The following TUNAR variants were observed in gnomAD, a reference collection of about 807,000 sequenced individuals.
TUNAR encodes the protein protein TUNAR.
At chr14:95,925,369 C>T (rs1235468514) in exon 3 of TUNAR, 1 of 152,172 alleles carries the variant, frequency 6.6e-6, no homozygotes, top group Non-Finnish European at 1.5e-5. Flanking sequence ...TTCTCCCTCC[C>T]CTGTAAAAAC....
chr14:95,905,068 TG>T (rs1484089350), intron 2 of TUNAR, among the ~76,000 whole-genome samples: 1 of 152,204 alleles, frequency 6.6e-6, no homozygotes, highest in East Asian at 1.9e-4. Context: ...GCAAAGGCCC[TG>T]GTGGTTTGGT....
chr14:95,905,318 A>G (rs1443393439), intron 2 of TUNAR, among the ~76,000 whole-genome samples: 2 of 152,218 alleles, frequency 1.3e-5, no homozygotes, highest in Non-Finnish European at 2.9e-5. Context: ...ATCCCGTTCC[A>G]GATCCCACAC....
intron 2 of TUNAR, among the ~76,000 whole-genome samples, chr14:95,892,229 G>A (rs945018118): frequency 2.0e-5 from 3 of 152,200 alleles, no homozygotes; most frequent in South Asian, 4.1e-4. Context: ...TCTCCCATCC[G>A]TGGGTTCTCC....
intron 2 of TUNAR, among the ~76,000 whole-genome samples, chr14:95,885,112 T>A (rs190567810): frequency 6.6e-5 from 10 of 152,314 alleles, no homozygotes; most frequent in African/African-American, 2.2e-4. Flanking sequence ...AGGGCTTGGT[T>A]TTCTGAAAGC....
At chr14:95,899,693 T>G (rs1484933448) in intron 2 of TUNAR, among the ~76,000 whole-genome samples, 1 of 152,048 alleles carries the variant, frequency 6.6e-6, no homozygotes, top group Admixed American at 6.6e-5. Context: ...CCTCCTCACC[T>G]AGTGGAGGGA....
At chr14:95,884,049 T>C (rs1183298289) in intron 2 of TUNAR, among the ~76,000 whole-genome samples, 1 of 152,086 alleles carries the variant, frequency 6.6e-6, no homozygotes, top group African/African-American at 2.4e-5. Flanking sequence ...ACCCCCATGC[T>C]GGCCACTCTT....
intron 2 of TUNAR, among the ~76,000 whole-genome samples, chr14:95,913,740 CTT>C (rs1260591217): frequency 2.7e-5 from 4 of 147,888 alleles, no homozygotes; most frequent in Admixed American, 6.7e-5. Context: ...ATGGACTGGA[CTT>C]TTTTTTTTTG....
chr14:95,898,684 C>A (rs1288952248), intron 2 of TUNAR, among the ~76,000 whole-genome samples: 1 of 151,968 alleles, frequency 6.6e-6, no homozygotes, highest in Non-Finnish European at 1.5e-5. Flanking sequence ...AGAGCTTTTT[C>A]TTGTCTCTGA....
intron 2 of TUNAR, among the ~76,000 whole-genome samples, chr14:95,914,595 G>C (rs1164197973): frequency 1.3e-5 from 2 of 152,170 alleles, no homozygotes; most frequent in African/African-American, 2.4e-5. Context: ...ATGTGGACAA[G>C]TAGGGAACAG....
intron 2 of TUNAR, among the ~76,000 whole-genome samples, chr14:95,914,578 A>G (rs989931002): frequency 1.3e-5 from 2 of 152,096 alleles, no homozygotes; most frequent in African/African-American, 4.8e-5. Flanking sequence ...CATGATTAGG[A>G]GTGGCTATGT....
chr14:95,920,415 G>A (rs914493113), intron 2 of TUNAR, among the ~76,000 whole-genome samples: 1 of 152,104 alleles, frequency 6.6e-6, no homozygotes, highest in Non-Finnish European at 1.5e-5. Context: ...AAAAGTATAC[G>A]AGGGGAGAAA....
rs183024314 is a variant in TUNAR, at chr14:95,898,865, T to C, written c.12+21688T>C. Among the ~76,000 whole-genome samples, 427 of 152,324 alleles carry C rather than the reference T, an allele frequency of 2.8e-3. 2 individuals carry two copies. The highest frequency in any genetic ancestry group is 9.6e-3 in the African/African-American group (401 of 41,586). On this transcript the variant is annotated intron_variant, in intron 2 of 2. Coordinates refer to ENST00000678517, the Ensembl canonical transcript of TUNAR. Reference sequence around the variant, plus strand: ...ACTCTGCTCTTCCTGCTGCTCACTTTCTCCTGTGCCTTTTCGTTTCGAGTT... The same window carrying C: ...ACTCTGCTCTTCCTGCTGCTCACTTCCTCCTGTGCCTTTTCGTTTCGAGTT...
intron 2 of TUNAR, among the ~76,000 whole-genome samples, chr14:95,906,254 CA>C (rs111318606): frequency 0.033 from 4,979 of 152,224 alleles, 279 homozygotes; most frequent in African/African-American, 0.11. Context: ...TTTTAGGGGA[CA>C]TAGCTGGGAA....
intron 2 of TUNAR, among the ~76,000 whole-genome samples, chr14:95,921,774 G>T (rs1225015267): frequency 6.6e-6 from 1 of 152,172 alleles, no homozygotes; most frequent in Non-Finnish European, 1.5e-5. Context: ...AATAGCACAT[G>T]TCTAAAACAA....
chr14:95,923,103 T>G, exon 3 of TUNAR: 1 of 396,886 alleles, frequency 2.5e-6, no homozygotes. Context: ...ACCTTCAAAC[T>G]TTACAAAAGG....
In TUNAR at chr14:95,902,349, G is replaced by A. The variant is rs987011528; in HGVS notation, c.13-20432G>A. Among the ~76,000 whole-genome samples the A allele has an allele frequency of 2.6e-5, 4 of 152,136 alleles. No homozygotes were observed. In the East Asian group the frequency reaches 7.7e-4, roughly 29 times the overall value. On this transcript the variant is annotated intron_variant, in intron 2 of 2. Transcript: ENST00000678517. ...AGGCTGGACGCAAACACAGTTGGAG[G>A]GATCCATATGCAGAGATGAGAATTT...
chr14:95,880,146 G>A lies in TUNAR; in HGVS notation c.12+2969G>A, dbSNP rs184975422. On this transcript the variant is annotated intron_variant, in intron 2 of 2. Coordinates refer to ENST00000678517, the Ensembl canonical transcript of TUNAR. The stretch of plus-strand genomic sequence containing the variant: ...ATGCAATGGGTGTGTACGTTTGCAT[G>A]TATATGTGTGTGTATTGGTACCAGA... Among the ~76,000 whole-genome samples the A allele has an allele frequency of 3.1e-3, 478 of 152,302 alleles. 3 individuals carry two copies. The highest frequency in any genetic ancestry group is 0.011 in the African/African-American group (465 of 41,554).
chr14:95,909,165 T>C (rs1889473278), intron 2 of TUNAR, among the ~76,000 whole-genome samples: 1 of 152,208 alleles, frequency 6.6e-6, no homozygotes, highest in Non-Finnish European at 1.5e-5. Flanking sequence ...GGAGCTGTTT[T>C]TTCTCTTTAG....
chr14:95,882,568 A>C (rs1212741411), intron 2 of TUNAR, among the ~76,000 whole-genome samples: 5 of 152,208 alleles, frequency 3.3e-5, no homozygotes, highest in African/African-American at 1.2e-4. Context: ...TGGCTAAGAG[A>C]GGCTAGGCTA....
Sources: allele counts gnomAD v4.1 joint callset (sites outside exome capture counted in the v4.1 genomes callset), GRCh38; gene constraint gnomAD v4.1.1; transcripts MANE v1.5; gene names NCBI Gene and HGNC (gene_info 2026-07-23, HGNC 2026-07-21).